Variants in PDE11A observed in about 807,000 individuals in gnomAD.
The protein encoded by PDE11A is dual 3',5'-cyclic-AMP and -GMP phosphodiesterase 11A.
PDE11A carries 100 observed loss-of-function variants against 100.5 expected under a neutral mutation model. That is an observed-to-expected ratio of 1.00 (90% confidence interval 0.85 to 1.18). The LOEUF (loss-of-function observed/expected upper bound fraction) is 1.18. Ranked by LOEUF, PDE11A falls within the 50% of genes most tolerant of loss-of-function variation. The pLI is 0.00. For missense variants in PDE11A, 1,141 were observed against 1,152.6 expected (o/e 0.99, Z 0.15); for synonymous variants, 381 against 420.8 (o/e 0.91, Z 1.16).
intron 2 of PDE11A, among the ~76,000 whole-genome samples, chr2:177,980,828 T>C (rs2085871527): frequency 6.6e-6 from 1 of 150,502 alleles, no homozygotes. Context: ...GTCAGAGAAA[T>C]GAAGAGTCTT....
chr2:177,784,873 C>G (rs1194198986), intron 9 of PDE11A, among the ~76,000 whole-genome samples: 3 of 152,178 alleles, frequency 2.0e-5, no homozygotes, highest in Admixed American at 1.3e-4. Context: ...TTGCCCTAGG[C>G]TTGTAGTCTG....
intron 16 of PDE11A, among the ~76,000 whole-genome samples, chr2:177,678,141 T>C (rs907844743): frequency 9.9e-5 from 15 of 152,120 alleles, no homozygotes; most frequent in Middle Eastern, 6.8e-3. Context: ...AATGACAGAA[T>C]GAAAGTATCT....
intron 1 of PDE11A, among the ~76,000 whole-genome samples, chr2:178,045,552 G>GGCT (rs1252173572): frequency 1.3e-5 from 2 of 152,146 alleles, no homozygotes; most frequent in African/African-American, 2.4e-5. Flanking sequence ...TACAAACTGT[G>GGCT]GCTCCAACAA....
chr2:177,900,789 CAT>C (rs2084682985), intron 3 of PDE11A, among the ~76,000 whole-genome samples: 2 of 151,902 alleles, frequency 1.3e-5, no homozygotes, highest in Admixed American at 1.3e-4. Flanking sequence ...AAGAAAAAAA[CAT>C]GTGAATGAGT....
intron 19 of PDE11A, among the ~76,000 whole-genome samples, chr2:177,652,066 T>C (rs1236640122): frequency 6.6e-6 from 1 of 152,200 alleles, no homozygotes; most frequent in Non-Finnish European, 1.5e-5. Context: ...CCTGTCACTC[T>C]CTTGCGCTTG....
intron 4 of PDE11A, among the ~76,000 whole-genome samples, chr2:177,892,677 G>C (rs1558994676): frequency 6.6e-6 from 1 of 152,228 alleles, no homozygotes; most frequent in Non-Finnish European, 1.5e-5. Flanking sequence ...GACATGGCTG[G>C]CCTGCAGTCA....
At chr2:178,011,687 G>A (rs538647129) in intron 2 of PDE11A, among the ~76,000 whole-genome samples, 1 of 152,280 alleles carries the variant, frequency 6.6e-6, no homozygotes, top group Admixed American at 6.5e-5. Context: ...GTGCTGTCAG[G>A]AAAAGCTAAT....
chr2:178,085,504 A>C (rs2087338576), intron 2 of PDE11A, among the ~76,000 whole-genome samples: 1 of 151,754 alleles, frequency 6.6e-6, no homozygotes, highest in South Asian at 2.1e-4. Context: ...ACAAATCTGC[A>C]CATGTACCCT....
intron 12 of PDE11A, among the ~76,000 whole-genome samples, chr2:177,715,470 TC>T (rs144511516): frequency 0.094 from 14,235 of 151,372 alleles, 2,193 homozygotes; most frequent in African/African-American, 0.32. Context: ...TTTTTTCTTT[TC>T]TTTTTTTTTT....
intron 2 of PDE11A, among the ~76,000 whole-genome samples, chr2:177,931,893 G>A (rs115828632): frequency 0.015 from 1,625 of 105,338 alleles, 25 homozygotes; most frequent in East Asian, 0.091. Context: ...AAGATCAATA[G>A]ACCACTAGCT....
At chr2:177,997,833 C>T (rs13002245) in intron 2 of PDE11A, 164,565 of 1,350,004 alleles carry the variant, frequency 0.12, 11,431 homozygotes, top group Non-Finnish European at 0.14. Context: ...ATTCCAATAA[C>T]TTATCAAATA....
At chr2:177,649,201 A>G (rs2105457661) in intron 19 of PDE11A, among the ~76,000 whole-genome samples, 1 of 152,266 alleles carries the variant, frequency 6.6e-6, no homozygotes, top group African/African-American at 2.4e-5. Context: ...CCACAGAGAG[A>G]AATTTGGTGA....
At chr2:178,045,494 C>G (rs970257286) in intron 1 of PDE11A, among the ~76,000 whole-genome samples, 1 of 152,198 alleles carries the variant, frequency 6.6e-6, no homozygotes, top group Non-Finnish European at 1.5e-5. Flanking sequence ...GACTGCCACT[C>G]ATTGTTTACA....
chr2:177,990,856 C>T (rs779408462), intron 2 of PDE11A, among the ~76,000 whole-genome samples: 3 of 148,400 alleles, frequency 2.0e-5, no homozygotes, highest in South Asian at 2.2e-4. Context: ...TAGCTGGGCA[C>T]GGTGGTGCGC....
chr2:178,072,921 G>A (rs1268876646), upstream of PDE11A: 1 of 985,294 alleles, frequency 1.0e-6, no homozygotes, highest in African/African-American at 1.7e-5. Flanking sequence ...GGCGGTTCCT[G>A]GAAGAGTCTC....
chr2:177,844,862 C>A (rs1162534871), intron 5 of PDE11A, among the ~76,000 whole-genome samples: 1 of 152,016 alleles, frequency 6.6e-6, no homozygotes, highest in Non-Finnish European at 1.5e-5. Flanking sequence ...GGGGCAAGGT[C>A]ACAGATCAAC....
intron 9 of PDE11A, among the ~76,000 whole-genome samples, chr2:177,781,449 C>T (rs6759712): frequency 0.17 from 25,812 of 152,002 alleles, 2,283 homozygotes; most frequent in African/African-American, 0.2. Context: ...ATAGAGTTTG[C>T]GGTCAATTTG....
At chr2:177,990,997 T>C (rs1250931556) in intron 2 of PDE11A, among the ~76,000 whole-genome samples, 3 of 147,290 alleles carry the variant, frequency 2.0e-5, no homozygotes, top group Non-Finnish European at 4.5e-5. Context: ...CCATCTTAAA[T>C]AAATAAATAA....
intron 1 of PDE11A, among the ~76,000 whole-genome samples, chr2:178,016,128 C>G (rs940851997): frequency 1.2e-5 from 1 of 85,814 alleles, no homozygotes; most frequent in Middle Eastern, 6.8e-3. Flanking sequence ...TCATGCCTGG[C>G]TAATTTTTTT....
Sources: allele counts gnomAD v4.1 joint callset (sites outside exome capture counted in the v4.1 genomes callset), GRCh38; gene constraint gnomAD v4.1.1; transcripts MANE v1.5; gene names NCBI Gene and HGNC (gene_info 2026-07-23, HGNC 2026-07-21).